PLA2R1: variants seen among roughly 807,000 people sequenced by gnomAD.
The protein encoded by PLA2R1 is phospholipase A2 receptor 1.
In PLA2R1, 158 loss-of-function variants were observed where a neutral mutation model predicts 195.9. The observed-to-expected ratio is 0.81, with a 90% CI of 0.71 to 0.92. The LOEUF (loss-of-function observed/expected upper bound fraction) is 0.92, where lower values mean the gene tolerates loss of function less well. Among genes scored for constraint, PLA2R1 ranks in the 40% least tolerant of loss-of-function variants. PLA2R1 has a pLI of 0.00. For synonymous variants in PLA2R1, 586 were observed against 598.2 expected (o/e 0.98, Z 0.30); for missense variants, 1,626 against 1,764.6 (o/e 0.92, Z 1.41).
At chr2:159,997,151 T>C (rs1691268676) in intron 11 of PLA2R1, among the ~76,000 whole-genome samples, 1 of 152,160 alleles carries the variant, frequency 6.6e-6, no homozygotes, top group African/African-American at 2.4e-5. Flanking sequence ...AACAGGCCTT[T>C]GTGATGGAAT....
chr2:159,940,225 G>A lies in PLA2R1; in HGVS notation c.*1553C>T, dbSNP rs147588749. 1.5e-4 allele frequency: 23 copies of A among 152,160 alleles called. 1 individual carries two copies. Among genetic ancestry groups the A allele is most frequent in the Non-Finnish European group, 2.5e-4 (17 of 68,022 alleles). 9.4% of individuals were successfully genotyped at this position (152,160 alleles called of 1,614,324 possible). A position where few individuals can be genotyped will look rare whatever the true frequency, so the allele number is the denominator to read the frequency against. On this transcript the variant is annotated 3_prime_UTR_variant, in exon 30 of 30. Transcript: ENST00000283243. The stretch of plus-strand genomic sequence containing the variant: ...GCACACTCTCAGGGAGGCCCTGAGA[G>A]TCCCCCAGTTTCTCTCTATCATGGA...
In PLA2R1 at chr2:160,005,832, G is replaced by A; in HGVS notation, c.1665-11C>T. 1 of 1,586,270 alleles carries A rather than the reference G, an allele frequency of 6.3e-7. No individual in the cohort carries two copies. Among genetic ancestry groups the A allele is most frequent in the African/African-American group, 1.4e-5 (1 of 73,904 alleles). On this transcript the variant is annotated splice_polypyrimidine_tract_variant and intron_variant, in intron 10 of 29. Coordinates refer to ENST00000283243, the MANE Select transcript of PLA2R1 (RefSeq NM_007366.5). ...AAAGCCTGTTCAAACCTTAAAAGGG[G>A]AAAAAAGAAGTGGTTACATTAAGTT...
Position 160,042,273 on chromosome 2 carries a change from G to A in PLA2R1, c.494-75C>T, listed in dbSNP as rs1403665987. ...CTTTGGAAACTGCTATATATCGAAAGCATTTTTTATGGACTGAAACCCTCT... is the reference window on the plus strand; with the variant it reads ...CTTTGGAAACTGCTATATATCGAAAACATTTTTTATGGACTGAAACCCTCT... On this transcript the variant is annotated intron_variant, in intron 2 of 29. Transcript: ENST00000283243. 4.5e-6 allele frequency: 6 copies of A among 1,326,538 alleles called. No homozygotes were observed. In the Admixed American group the frequency reaches 5.5e-5, roughly 12 times the overall value. 82.2% of individuals were successfully genotyped at this position (1,326,538 alleles called of 1,614,324 possible). A position where few individuals can be genotyped will look rare whatever the true frequency, so the allele number is the denominator to read the frequency against.
the PLA2R1 span, among the ~76,000 whole-genome samples, chr2:159,924,412 G>A: frequency 3.9e-5 from 6 of 152,100 alleles, no homozygotes; most frequent in Non-Finnish European, 7.4e-5. Context: ...CTTCTGAATC[G>A]AAGTCTCTCT....
rs1686668867 is a variant in PLA2R1 at position 159,933,381 on chromosome 2, C to T, written c.*8397G>A. Reference sequence around the variant, plus strand: ...ACTTTTTCTCTAAAAATATTCTGACCCCAAGCTAAAAACTTGCTTTCTAAC... The same window carrying T: ...ACTTTTTCTCTAAAAATATTCTGACTCCAAGCTAAAAACTTGCTTTCTAAC... On this transcript the variant is annotated 3_prime_UTR_variant, in exon 30 of 30. Transcript: ENST00000283243. 6.6e-6 allele frequency: 1 copy of T among 152,042 alleles called. No individual in the cohort carries two copies. Among genetic ancestry groups the T allele is most frequent in the Admixed American group, 6.6e-5 (1 of 15,264 alleles). 9.4% of individuals were successfully genotyped at this position (152,042 alleles called of 1,614,324 possible). A position where few individuals can be genotyped will look rare whatever the true frequency, so the allele number is the denominator to read the frequency against.
downstream of PLA2R1, among the ~76,000 whole-genome samples, chr2:159,928,529 C>A (rs1686531000): frequency 6.6e-6 from 1 of 152,182 alleles, no homozygotes; most frequent in African/African-American, 2.4e-5. Flanking sequence ...AATGGGAACA[C>A]ATACCATGTT....
chr2:160,044,691 C>A (rs748920946), intron 2 of PLA2R1, 83 bp downstream of exon 2: 16 of 1,201,856 alleles, frequency 1.3e-5, no homozygotes, highest in Non-Finnish European at 1.9e-5. Flanking sequence ...GTACTTCTTT[C>A]ACGTAATGCT....
At position 159,936,204 on chromosome 2, in the gene PLA2R1, G is replaced by C. The variant is rs1394319652; in HGVS notation, c.*5574C>G. 3.3e-5 allele frequency: 5 copies of C among 151,878 alleles called. No homozygotes were observed. Among genetic ancestry groups the C allele is most frequent in the Non-Finnish European group, 7.4e-5 (5 of 68,008 alleles). 9.4% of individuals were successfully genotyped at this position (151,878 alleles called of 1,614,324 possible). On this transcript the variant is annotated 3_prime_UTR_variant, in exon 30 of 30. Coordinates refer to ENST00000283243, the MANE Select transcript of PLA2R1 (RefSeq NM_007366.5). ...CCTCACCTCGTGATCCACCCGCCTC[G>C]GCCTCCCAAAGTTGCTGGGATTACA... is the stretch of plus-strand genomic sequence containing the variant.
intron 10 of PLA2R1, among the ~76,000 whole-genome samples, chr2:160,008,408 A>G (rs1288548544): frequency 6.6e-6 from 1 of 152,236 alleles, no homozygotes; most frequent in Non-Finnish European, 1.5e-5. Context: ...ATATATGTCA[A>G]ATGATTATCA....
intron 10 of PLA2R1, among the ~76,000 whole-genome samples, chr2:160,010,364 C>G (rs1048248580): frequency 6.6e-6 from 1 of 152,180 alleles, no homozygotes; most frequent in Admixed American, 6.5e-5. Context: ...AATCAGCAAG[C>G]AAACAAAAAT....
chr2:160,034,209 A>G (rs757323015), intron 3 of PLA2R1, among the ~76,000 whole-genome samples: 1 of 152,184 alleles, frequency 6.6e-6, no homozygotes, highest in Non-Finnish European at 1.5e-5. Context: ...TAACAGTTAG[A>G]TGGTCCCCTT....
At chr2:160,061,652 G>T (rs568629621) in intron 1 of PLA2R1, among the ~76,000 whole-genome samples, 224 of 152,256 alleles carry the variant, frequency 1.5e-3, no homozygotes, top group Non-Finnish European at 2.4e-3. Context: ...GCGCACACCT[G>T]TGGTCCCAGC....
intron 1 of PLA2R1, among the ~76,000 whole-genome samples, chr2:160,046,480 C>T (rs534939448): frequency 6.6e-6 from 1 of 152,304 alleles, no homozygotes; most frequent in Admixed American, 6.5e-5. Context: ...CTCATGGATC[C>T]ACGAGGGAAC....
At chr2:160,048,236 A>C (rs542120979) in intron 1 of PLA2R1, among the ~76,000 whole-genome samples, 2 of 152,328 alleles carry the variant, frequency 1.3e-5, no homozygotes, top group Admixed American at 6.5e-5. Flanking sequence ...TACCTTTCCA[A>C]AGCAGAACAT....
At chr2:160,026,504 G>A (rs1338855668) in intron 6 of PLA2R1, among the ~76,000 whole-genome samples, 2 of 152,126 alleles carry the variant, frequency 1.3e-5, no homozygotes, top group Admixed American at 6.5e-5. Flanking sequence ...ACTCCAGGTG[G>A]GGCTTTCAGG....
chr2:159,975,935 T>G, intron 17 of PLA2R1, 133 bp downstream of exon 17: 3 of 728,704 alleles, frequency 4.1e-6, no homozygotes, highest in Middle Eastern at 2.5e-4. Flanking sequence ...ATGGCTTTAC[T>G]GAAATCTATG....
At chr2:159,965,512 T>A (rs191386252) in intron 20 of PLA2R1, among the ~76,000 whole-genome samples, 19 of 152,338 alleles carry the variant, frequency 1.2e-4, no homozygotes, top group Admixed American at 3.9e-4. Flanking sequence ...AATATTCCAT[T>A]GTGTGGTTGT....
intron 8 of PLA2R1, 100 bp from the exon 9 acceptor site, chr2:160,016,812 C>G (rs1692805093): frequency 1.5e-6 from 1 of 654,070 alleles, no homozygotes. Flanking sequence ...AATGTGCTCC[C>G]GCGTGGGATA....
At chr2:159,964,240 C>A (rs911020732) in intron 20 of PLA2R1, among the ~76,000 whole-genome samples, 1 of 152,108 alleles carries the variant, frequency 6.6e-6, no homozygotes, top group African/African-American at 2.4e-5. Context: ...GGATGGGGAA[C>A]AGGAAGTTAG....
Sources: gnomAD v4.1 joint callset for allele counts (sites outside exome capture counted in the v4.1 genomes callset) on GRCh38, gnomAD v4.1.1 for gene constraint, MANE v1.5 for transcripts, NCBI Gene and HGNC (gene_info 2026-07-23, HGNC 2026-07-21) for gene names.